Variants in PPP2R2B observed in about 807,000 individuals in gnomAD.
PPP2R2B encodes protein phosphatase 2 regulatory subunit Bbeta.
Under a neutral mutation model 46.0 loss-of-function variants are expected in PPP2R2B, and 5 were observed. The ratio of observed to expected loss-of-function variants is 0.11; its 90% CI spans 0.06 to 0.23. The LOEUF (loss-of-function observed/expected upper bound fraction) is 0.23. PPP2R2B is among the 10% of genes least tolerant of loss of function. The pLI, the probability that PPP2R2B is intolerant of heterozygous loss-of-function variation, is 1.00. For missense variants in PPP2R2B, 367 were observed against 575.0 expected, an observed-to-expected ratio of 0.64 and a Z score of 3.70; for synonymous variants, 215 against 206.7, an observed-to-expected ratio of 1.04 and a Z score of -0.34.
chr5:146,602,167 G>A (rs1344310160), intron 7 of PPP2R2B, among the ~76,000 whole-genome samples: 1 of 151,928 alleles, frequency 6.6e-6, no homozygotes, highest in African/African-American at 2.4e-5. Flanking sequence ...CATTTATTTA[G>A]TATTTGCTCA....
chr5:146,634,883 G>C (rs1248217774), intron 7 of PPP2R2B, among the ~76,000 whole-genome samples: 1 of 152,146 alleles, frequency 6.6e-6, no homozygotes, highest in African/African-American at 2.4e-5. Context: ...TGTCTCCAGA[G>C]TCTGATACAG....
chr5:147,006,512 C>T lies in PPP2R2B; in HGVS notation c.79+49153G>A, dbSNP rs966035292. ...AAGCTCAAGTCCATCAATGCAGGGG[C>T]ATACAACGAATACACCTACTTATAG... On this transcript the variant is annotated intron_variant, in intron 1 of 8. Coordinates refer to the PPP2R2B transcript ENST00000336640. 6.6e-5 allele frequency among the ~76,000 whole-genome samples: 10 copies of T among 152,292 alleles called. 1 individual carries two copies. The highest frequency in any genetic ancestry group is 4.1e-4 in the South Asian group (2 of 4,826).
intron 6 of PPP2R2B, among the ~76,000 whole-genome samples, chr5:146,640,019 T>C (rs1303705608): frequency 1.3e-5 from 2 of 152,172 alleles, no homozygotes; most frequent in African/African-American, 4.8e-5. Context: ...AGTAGCATAG[T>C]CCCCTCCTTA....
At chr5:146,668,298 G>C (rs1198605797) in intron 5 of PPP2R2B, among the ~76,000 whole-genome samples, 1 of 152,182 alleles carries the variant, frequency 6.6e-6, no homozygotes, top group Non-Finnish European at 1.5e-5. Context: ...ACAGTGTCTT[G>C]TATAAGGAGG....
At chr5:146,865,063 T>C (rs958680335) in intron 2 of PPP2R2B, among the ~76,000 whole-genome samples, 3 of 152,298 alleles carry the variant, frequency 2.0e-5, no homozygotes, top group African/African-American at 7.2e-5. Context: ...TTAGAGTCTA[T>C]AACATAACCA....
At chr5:146,912,864 T>G (rs1244441656) in intron 1 of PPP2R2B, among the ~76,000 whole-genome samples, 1 of 152,160 alleles carries the variant, frequency 6.6e-6, no homozygotes, top group African/African-American at 2.4e-5. Flanking sequence ...AAACACCAAG[T>G]AAGTCTCTTC....
intron 5 of PPP2R2B, among the ~76,000 whole-genome samples, chr5:146,663,865 T>G (rs900942860): frequency 6.6e-6 from 1 of 152,058 alleles, no homozygotes; most frequent in Admixed American, 6.6e-5. Flanking sequence ...TTTTTTGAGA[T>G]GGAATCTTGC....
chr5:147,048,726 G>A (rs1228799375), intron 1 of PPP2R2B, among the ~76,000 whole-genome samples: 1 of 152,086 alleles, frequency 6.6e-6, no homozygotes, highest in Non-Finnish European at 1.5e-5. Flanking sequence ...AGGTAATTAC[G>A]AGTGCTGAGA....
intron 1 of PPP2R2B, among the ~76,000 whole-genome samples, chr5:147,011,892 G>T (rs539371290): frequency 9.2e-6 from 1 of 108,366 alleles, no homozygotes. Context: ...ATTGATTTGC[G>T]TATATTGAAC....
At chr5:146,781,517 C>A (rs1428013921) in intron 2 of PPP2R2B, among the ~76,000 whole-genome samples, 1 of 151,218 alleles carries the variant, frequency 6.6e-6, no homozygotes, top group African/African-American at 2.4e-5. Context: ...GGTGCTCAAG[C>A]AAGCATTTCA....
chr5:147,044,832 A>C (rs566491115), intron 1 of PPP2R2B, among the ~76,000 whole-genome samples: 3 of 152,274 alleles, frequency 2.0e-5, no homozygotes, highest in Non-Finnish European at 2.9e-5. Context: ...CACAGCAGCT[A>C]TATCTTGCTG....
intron 2 of PPP2R2B, among the ~76,000 whole-genome samples, chr5:146,768,017 A>T (rs1429586964): frequency 6.6e-6 from 1 of 152,096 alleles, no homozygotes; most frequent in Non-Finnish European, 1.5e-5. Context: ...CTTATTAGAG[A>T]TTCACAATAA....
chr5:146,898,467 A>T (rs1385517387), intron 1 of PPP2R2B, among the ~76,000 whole-genome samples: 1 of 152,126 alleles, frequency 6.6e-6, no homozygotes, highest in African/African-American at 2.4e-5. Flanking sequence ...TTATACAAAA[A>T]TTAATTCAAG....
In PPP2R2B at chr5:146,878,237, C is replaced by T; in HGVS notation, c.-124-42G>A. The T allele has an allele frequency of 6.6e-7, 1 of 1,524,940 alleles. No homozygotes were observed. 94.5% of individuals were successfully genotyped at this position (1,524,940 alleles called of 1,614,324 possible). A position where few individuals can be genotyped will look rare whatever the true frequency, so the allele number is the denominator to read the frequency against. On this transcript the variant is annotated intron_variant, in intron 1 of 9. Coordinates refer to ENST00000394411, the MANE Select transcript of PPP2R2B (RefSeq NM_181675.4). The surrounding 1 kb of genome is among the most constrained non-coding windows in gnomAD (Gnocchi z 4.5). ...GAGGCGGAGAGAAAAAAAATAAAAA[C>T]CCGGCAATGGAGCTGTCACCTCCTC...
intron 1 of PPP2R2B, among the ~76,000 whole-genome samples, chr5:146,974,730 C>T (rs1363595543): frequency 8.1e-5 from 12 of 147,774 alleles, no homozygotes; most frequent in Middle Eastern, 7.2e-3. Context: ...GGCTGTGTCA[C>T]CCAGGCTGGA....
chr5:146,880,179 TTGTGTGTGTGTG>T (rs57151657), upstream of PPP2R2B, among the ~76,000 whole-genome samples: 24 of 138,250 alleles, frequency 1.7e-4, no homozygotes, highest in Middle Eastern at 3.7e-3. Context: ...CATAGTTATT[TTGTGTGTGTGTG>T]TGTGTGTGTG....
At chr5:146,775,951 A>T (rs1331699224) in intron 2 of PPP2R2B, among the ~76,000 whole-genome samples, 1 of 152,154 alleles carries the variant, frequency 6.6e-6, no homozygotes, top group Non-Finnish European at 1.5e-5. Flanking sequence ...ACTGAAAACT[A>T]CAAAACATTG....
Position 146,589,884 on chromosome 5 carries a change from A to T in PPP2R2B, c.*63T>A. ...ATGCATCAAATGAAGACCCAAAGAA[A>T]CATTTAAAAACTTGTTTGACTAGTA... On this transcript the variant is annotated 3_prime_UTR_variant, in exon 10 of 10. Coordinates refer to ENST00000394411, the MANE Select transcript of PPP2R2B (RefSeq NM_181675.4). 6.7e-7 allele frequency: 1 copy of T among 1,492,606 alleles called. No homozygotes were observed. The highest frequency in any genetic ancestry group is 9.2e-7 in the Non-Finnish European group (1 of 1,086,668). The allele number at this position is 1,492,606 out of a possible 1,614,324, so 92.5% of individuals were successfully genotyped here. A position where few individuals can be genotyped will look rare whatever the true frequency, so the allele number is the denominator to read the frequency against.
chr5:146,641,921 A>G (rs1775252314), intron 6 of PPP2R2B, among the ~76,000 whole-genome samples: 1 of 152,122 alleles, frequency 6.6e-6, no homozygotes, highest in Non-Finnish European at 1.5e-5. Flanking sequence ...CTAGATGGCA[A>G]AAGCAAAACA....
Sources: gnomAD v4.1 joint callset for allele counts (sites outside exome capture counted in the v4.1 genomes callset) on GRCh38, gnomAD v4.1.1 for gene constraint, Gnocchi (gnomAD v3.1) non-coding constraint, MANE v1.5 for transcripts, NCBI Gene and HGNC (gene_info 2026-07-23, HGNC 2026-07-21) for gene names.